SLC24A2: variants seen among roughly 807,000 people sequenced by gnomAD.
SLC24A2 encodes the protein sodium/potassium/calcium exchanger 2.
A neutral mutation model predicts 62.0 loss-of-function variants in SLC24A2; 36 were observed. The observed-to-expected ratio is 0.58, with a 90% CI of 0.44 to 0.77. SLC24A2 has a LOEUF of 0.77. Among genes scored for constraint, SLC24A2 ranks in the 30% least tolerant of loss-of-function variants. The probability of loss-of-function intolerance (pLI) is 0.00; values close to 1 mark genes in which losing one functional copy is unlikely to be tolerated. For missense variants in SLC24A2, 846 were observed against 817.9 expected (o/e 1.03, Z -0.42); for synonymous variants, 358 against 294.0 (o/e 1.22, Z -2.23).
chr9:19,586,172 C>G (rs1338762333), intron 5 of SLC24A2, among the ~76,000 whole-genome samples: 2 of 152,194 alleles, frequency 1.3e-5, no homozygotes, highest in Non-Finnish European at 2.9e-5. Flanking sequence ...TCTCCCCCAT[C>G]ATAGCACCTG....
At chr9:19,615,001 A>C (rs367950982) in intron 4 of SLC24A2, among the ~76,000 whole-genome samples, 3 of 151,526 alleles carry the variant, frequency 2.0e-5, no homozygotes, top group African/African-American at 7.3e-5. Context: ...GTTATAAGCC[A>C]CTAAGTCTTG....
intron 2 of SLC24A2, among the ~76,000 whole-genome samples, chr9:19,734,067 T>C (rs1051986669): frequency 6.6e-6 from 1 of 152,290 alleles, no homozygotes; most frequent in East Asian, 1.9e-4. Flanking sequence ...AGGGATGTTC[T>C]TAACTACATG....
intron 2 of SLC24A2, among the ~76,000 whole-genome samples, chr9:19,698,638 T>C (rs978072881): frequency 1.3e-5 from 2 of 152,216 alleles, no homozygotes; most frequent in African/African-American, 4.8e-5. Context: ...CTATGTGCCA[T>C]GCAGTGTGCA....
intron 2 of SLC24A2, among the ~76,000 whole-genome samples, chr9:19,665,906 A>C (rs1253191365): frequency 6.6e-6 from 1 of 151,908 alleles, no homozygotes; most frequent in Admixed American, 6.6e-5. Context: ...CACCTCACCC[A>C]CCTCGGCCTT....
the SLC24A2 span, among the ~76,000 whole-genome samples, chr9:19,977,918 A>G: frequency 6.6e-6 from 1 of 152,154 alleles, no homozygotes; most frequent in African/African-American, 2.4e-5. Flanking sequence ...TGTTCCTGGG[A>G]TAATGGGTAT....
the SLC24A2 span, among the ~76,000 whole-genome samples, chr9:19,844,330 G>T: frequency 6.6e-6 from 1 of 152,184 alleles, no homozygotes; most frequent in Admixed American, 6.5e-5. Flanking sequence ...TTTGAGCAGT[G>T]TCTGTTCATG....
chr9:19,921,049 T>C, the SLC24A2 span, among the ~76,000 whole-genome samples: 2 of 141,268 alleles, frequency 1.4e-5, no homozygotes, highest in Non-Finnish European at 3.1e-5. Flanking sequence ...TGTTGACTCA[T>C]GGCATATACT....
the SLC24A2 span, among the ~76,000 whole-genome samples, chr9:20,110,678 T>C: frequency 6.6e-6 from 1 of 152,160 alleles, no homozygotes. Context: ...TCTTGACTCT[T>C]ATTGATATTA....
chr9:20,008,505 C>T, the SLC24A2 span, among the ~76,000 whole-genome samples: 7 of 152,230 alleles, frequency 4.6e-5, no homozygotes, highest in African/African-American at 1.7e-4. Flanking sequence ...TCCATACTTC[C>T]AACCCCCTTT....
At chr9:20,178,405 T>C in the SLC24A2 span, among the ~76,000 whole-genome samples, 1 of 152,100 alleles carries the variant, frequency 6.6e-6, no homozygotes, top group Non-Finnish European at 1.5e-5. Flanking sequence ...AGCTGAAGGG[T>C]ACACTGTCAC....
chr9:19,944,381 CAAT>C, the SLC24A2 span, among the ~76,000 whole-genome samples: 1 of 145,970 alleles, frequency 6.9e-6, no homozygotes, highest in African/African-American at 2.6e-5. Flanking sequence ...CAACATCATG[CAAT>C]ATACCCAGGT....
At chr9:19,959,813 A>G in the SLC24A2 span, among the ~76,000 whole-genome samples, 2 of 152,220 alleles carry the variant, frequency 1.3e-5, no homozygotes, top group Admixed American at 1.3e-4. Context: ...AGAAGTTTAC[A>G]CGATCTCACT....
chr9:19,560,487 C>T (rs377418094), intron 7 of SLC24A2, among the ~76,000 whole-genome samples: 170 of 152,312 alleles, frequency 1.1e-3, no homozygotes, highest in Admixed American at 5.0e-3. Context: ...CCTCTTTCCC[C>T]TCAGGGTGCA....
At chr9:20,024,348 C>T in the SLC24A2 span, among the ~76,000 whole-genome samples, 1 of 152,158 alleles carries the variant, frequency 6.6e-6, no homozygotes, top group East Asian at 1.9e-4. Flanking sequence ...AACTCACATC[C>T]ACAAACATAC....
At chr9:20,241,346 G>T in the SLC24A2 span, among the ~76,000 whole-genome samples, 2 of 152,166 alleles carry the variant, frequency 1.3e-5, no homozygotes, top group Admixed American at 6.5e-5. Flanking sequence ...AATTCAGCAG[G>T]TATTTGTTGA....
chr9:19,873,489 TTC>T, the SLC24A2 span, among the ~76,000 whole-genome samples: 2 of 134,396 alleles, frequency 1.5e-5, no homozygotes, highest in African/African-American at 2.6e-5. Context: ...CCTTCCTTCC[TTC>T]TCTTTCTTTC....
chr9:19,906,542 G>T, the SLC24A2 span, among the ~76,000 whole-genome samples: 10,255 of 152,010 alleles, frequency 0.067, 1,168 homozygotes, highest in African/African-American at 0.23. Flanking sequence ...TCCAGGAGCT[G>T]GTTTTTTGAA....
rs1832547050 is a variant in SLC24A2 at position 19,507,586 on chromosome 9, C to T, written c.*8567G>A. The T allele has an allele frequency of 6.6e-6, 1 of 152,174 alleles. No individual in the cohort carries two copies. The highest frequency in any genetic ancestry group is 2.4e-5 in the African/African-American group (1 of 41,442). The allele number at this position is 152,174 out of a possible 1,614,324, so 9.4% of individuals were successfully genotyped here. On this transcript the variant is annotated 3_prime_UTR_variant, in exon 11 of 11. Coordinates refer to ENST00000341998, the MANE Select transcript of SLC24A2 (RefSeq NM_020344.4). ...ATGGACAGTGAAACAAGAAGAAACACCCTTTATCAGAATGAAGTCCATGTG... is the reference window on the plus strand; with the variant it reads ...ATGGACAGTGAAACAAGAAGAAACATCCTTTATCAGAATGAAGTCCATGTG...
At chr9:19,565,970 T>G (rs1175351271) in intron 7 of SLC24A2, among the ~76,000 whole-genome samples, 1 of 151,570 alleles carries the variant, frequency 6.6e-6, no homozygotes, top group African/African-American at 2.4e-5. Flanking sequence ...TAATTCAAGA[T>G]GGATTAAAGA....
Sources: allele counts gnomAD v4.1 joint callset (sites outside exome capture counted in the v4.1 genomes callset), GRCh38; gene constraint gnomAD v4.1.1; transcripts MANE v1.5; gene names NCBI Gene and HGNC (gene_info 2026-07-23, HGNC 2026-07-21).